Variants in ARSF observed in about 807,000 individuals in gnomAD.
The protein encoded by ARSF is arylsulfatase F.
In ARSF, 33 loss-of-function variants were observed where a neutral mutation model predicts 35.4. The ratio of observed to expected loss-of-function variants is 0.93; its 90% CI spans 0.71 to 1.25. The LOEUF is 1.25. Among genes scored for constraint, ARSF ranks in the 50% most tolerant of loss-of-function variants. ARSF has a pLI of 0.00. For missense variants in ARSF, 501 were observed against 480.2 expected, an observed-to-expected ratio of 1.04 and a Z score of -0.40; for synonymous variants, 222 against 193.1, an observed-to-expected ratio of 1.15 and a Z score of -1.24.
intron 6 of ARSF, among the ~76,000 whole-genome samples, chrX:3,086,429 G>A (rs73635398): frequency 8.9e-6 from 1 of 112,164 alleles, no homozygotes; most frequent in African/African-American, 3.2e-5. Flanking sequence ...AGACTTGGAC[G>A]TTGTGACAAT....
intron 1 of ARSF, among the ~76,000 whole-genome samples, chrX:3,044,115 G>A (rs1336608234): frequency 1.8e-5 from 2 of 111,765 alleles, no homozygotes; most frequent in African/African-American, 6.5e-5. Flanking sequence ...CTGTCATGAG[G>A]AAGTAATATT....
At chrX:3,099,760 A>G (rs1312510715) in intron 7 of ARSF, among the ~76,000 whole-genome samples, 2 of 112,113 alleles carry the variant, frequency 1.8e-5, no homozygotes, top group South Asian at 7.4e-4. Context: ...CAAACATTTA[A>G]TGCCAGGTTT....
intron 1 of ARSF, among the ~76,000 whole-genome samples, chrX:3,045,800 C>T (rs754357659): frequency 9.1e-6 from 1 of 110,475 alleles, no homozygotes; most frequent in African/African-American, 3.3e-5. Flanking sequence ...GGTGATCTGC[C>T]CACCTCGGTG....
chrX:3,109,380 G>C (rs1379533100), intron 9 of ARSF, among the ~76,000 whole-genome samples: 1 of 111,592 alleles, frequency 9.0e-6, no homozygotes, highest in Non-Finnish European at 1.9e-5. Flanking sequence ...CCATTACAAA[G>C]CAGGTTTTAT....
intron 9 of ARSF, among the ~76,000 whole-genome samples, chrX:3,104,754 C>T (rs368845771): frequency 1.3e-4 from 15 of 111,702 alleles, no homozygotes; most frequent in Non-Finnish European, 2.8e-4. Context: ...TAATCTAATG[C>T]GGACCATCTT....
chrX:3,088,712 C>A (rs2090266704), intron 6 of ARSF, among the ~76,000 whole-genome samples: 1 of 111,232 alleles, frequency 9.0e-6, no homozygotes, highest in Non-Finnish European at 1.9e-5. Context: ...AGGAGCCCAT[C>A]ATCATATCTG....
Position 3,110,228 on chromosome X carries a change from G to T in ARSF, c.1366G>T (p.Val456Leu). ...FHYCGSYLHA[V>L]RWIPKDDSGS... ...CTACTGTGGCTCCTACCTGCACGCCGTGCGGTGGATCCCCAAGGACGACAG... is the reference window on the plus strand; with the variant it reads ...CTACTGTGGCTCCTACCTGCACGCCTTGCGGTGGATCCCCAAGGACGACAG... Residue 456 changes from valine to leucine, a missense_variant, in exon 10 of 11, where the codon GTG (valine) becomes TTG (leucine). Transcript: ENST00000381127. 8.4e-7 allele frequency: 1 copy of T among 1,188,223 alleles called. No individual in the cohort carries two copies.
At chrX:3,043,098 T>A (rs960912568) in intron 1 of ARSF, among the ~76,000 whole-genome samples, 1 of 110,954 alleles carries the variant, frequency 9.0e-6, no homozygotes, top group African/African-American at 3.3e-5. Context: ...GAGGTTGCAG[T>A]GAGCCAAGAT....
chrX:3,062,552 G>A (rs994476807), intron 1 of ARSF, among the ~76,000 whole-genome samples: 14 of 110,880 alleles, frequency 1.3e-4, no homozygotes, highest in Middle Eastern at 9.4e-3. Flanking sequence ...TTGATAGGCC[G>A]CTAACAACAC....
At chrX:3,068,337 T>C (rs2090080767) in intron 2 of ARSF, among the ~76,000 whole-genome samples, 1 of 112,222 alleles carries the variant, frequency 8.9e-6, no homozygotes, top group East Asian at 2.8e-4. Context: ...GTAAGTTTTT[T>C]AAAAAGGTAG....
At chrX:3,078,631 C>T (rs2090171710) in intron 4 of ARSF, among the ~76,000 whole-genome samples, 1 of 110,967 alleles carries the variant, frequency 9.0e-6, no homozygotes, top group Non-Finnish European at 1.9e-5. Flanking sequence ...TCCTGAGTAG[C>T]TGAGATTACA....
At chrX:3,057,617 T>A (rs2090024342) in intron 1 of ARSF, among the ~76,000 whole-genome samples, 1 of 112,130 alleles carries the variant, frequency 8.9e-6, no homozygotes. Flanking sequence ...GACGTGTCGA[T>A]GATAAACATT....
At chrX:3,077,561 C>T (rs1430064026) in intron 4 of ARSF, among the ~76,000 whole-genome samples, 4 of 108,429 alleles carry the variant, frequency 3.7e-5, no homozygotes, top group African/African-American at 6.7e-5. Flanking sequence ...ATCGCTTGAA[C>T]CCGGGAGGCA....
chrX:3,065,636 CAA>C (rs760800747), intron 1 of ARSF, among the ~76,000 whole-genome samples: 8 of 67,981 alleles, frequency 1.2e-4, no homozygotes, highest in East Asian at 4.7e-4. Flanking sequence ...GACTCTGTCT[CAA>C]AAAAAAAAAA....
At chrX:3,070,304 C>T (rs769647305) in intron 2 of ARSF, among the ~76,000 whole-genome samples, 1 of 111,676 alleles carries the variant, frequency 9.0e-6, no homozygotes, top group African/African-American at 3.3e-5. Context: ...CAATGATGGA[C>T]ACTGAGGTTG....
chrX:3,102,047 G>C (rs190337439), intron 8 of ARSF, among the ~76,000 whole-genome samples: 1 of 111,218 alleles, frequency 9.0e-6, no homozygotes, highest in East Asian at 2.8e-4. Context: ...GTATGAATGT[G>C]TACTCTTTAG....
chrX:3,084,603 A>G lies in ARSF; in HGVS notation c.767A>G (p.Gln256Arg). 8.3e-7 allele frequency: 1 copy of G among 1,206,800 alleles called. No homozygotes were observed. Among genetic ancestry groups the G allele is most frequent in the African/African-American group, 1.7e-5 (1 of 57,767 alleles). Residue 256 changes from glutamine (Q) to arginine (R), a missense_variant, in exon 6 of 11, where the codon CAG becomes CGG. Gln to Arg is a conservative substitution (Grantham distance 43). Coordinates refer to ENST00000381127, the MANE Select transcript of ARSF (RefSeq NM_001201539.2). Reference protein sequence around the residue: ...LLMRGHEITEQPMKAERAGSI... With the variant: ...LLMRGHEITERPMKAERAGSI... ...ATGCGGGGGCACGAGATCACGGAGC[A>G]GCCCATGAAGGCTGAACGAGCTGGA...
At chrX:3,082,275 T>C (rs1305673105) in intron 5 of ARSF, among the ~76,000 whole-genome samples, 2 of 111,461 alleles carry the variant, frequency 1.8e-5, no homozygotes, top group Admixed American at 9.5e-5. Flanking sequence ...TATTCATCCA[T>C]CCATGCTGGT....
In ARSF at chrX:3,110,135, GACGGCC is replaced by G. The variant is rs1165859376; in HGVS notation, c.1274_1279del (p.Asp425_Arg427delinsGly). The G allele has an allele frequency of 8.4e-7, 1 of 1,183,926 alleles. No homozygotes were observed. Among genetic ancestry groups the G allele is most frequent in the South Asian group, 1.9e-5 (1 of 51,865 alleles). On this transcript the variant is annotated inframe_deletion, in exon 10 of 11. Transcript: ENST00000381127. Reference sequence around the variant, plus strand: ...CTGTCTGTGTCTCTGCAGGGTCATTGACGGCCGAGACCTCATGCCCTTGCTGCAGGG... The same window carrying G: ...CTGTCTGTGTCTCTGCAGGGTCATTGGAGACCTCATGCCCTTGCTGCAGGG...
Sources: gnomAD v4.1 joint callset for allele counts (sites outside exome capture counted in the v4.1 genomes callset) on GRCh38, gnomAD v4.1.1 for gene constraint, MANE v1.5 for transcripts, NCBI Gene and HGNC (gene_info 2026-07-23, HGNC 2026-07-21) for gene names.